Variants in MEF2A observed in about 807,000 individuals in gnomAD.
MEF2A encodes myocyte enhancer factor 2A.
In MEF2A, 28 loss-of-function variants were observed where a neutral mutation model predicts 55.8. The observed-to-expected ratio is 0.50, with a 90% CI of 0.37 to 0.69. MEF2A has a LOEUF of 0.69. Ranked by LOEUF, MEF2A falls within the 30% of genes least tolerant of loss-of-function variation. The pLI, the probability that MEF2A is intolerant of heterozygous loss-of-function variation, is 0.00. For synonymous variants in MEF2A, 239 were observed against 227.1 expected (o/e 1.05, Z -0.47); for missense variants, 528 against 626.2 (o/e 0.84, Z 1.67).
chr15:99,577,800 A>T (rs1446228054), intron 1 of MEF2A, among the ~76,000 whole-genome samples: 1 of 151,946 alleles, frequency 6.6e-6, no homozygotes, highest in Non-Finnish European at 1.5e-5. Context: ...TATGATCTTG[A>T]TGCTTTTTTG....
chr15:99,579,288 T>C (rs1267577165), intron 1 of MEF2A, among the ~76,000 whole-genome samples: 3 of 152,012 alleles, frequency 2.0e-5, no homozygotes, highest in African/African-American at 7.2e-5. Flanking sequence ...GGCTTATAGT[T>C]TTTTTTTCTG....
intron 2 of MEF2A, among the ~76,000 whole-genome samples, chr15:99,609,180 T>C (rs1266114247): frequency 6.6e-6 from 1 of 152,230 alleles, no homozygotes; most frequent in Non-Finnish European, 1.5e-5. Flanking sequence ...CATGACATTG[T>C]TCATAATGGC....
intron 7 of MEF2A, among the ~76,000 whole-genome samples, chr15:99,689,133 A>G (rs985500337): frequency 6.6e-5 from 10 of 152,232 alleles, no homozygotes; most frequent in African/African-American, 2.4e-4. Flanking sequence ...TCCTCATTTC[A>G]TTAAGGGAGA....
intron 10 of MEF2A, among the ~76,000 whole-genome samples, chr15:99,708,743 G>A (rs779324641): frequency 3.3e-5 from 5 of 152,238 alleles, no homozygotes; most frequent in African/African-American, 1.2e-4. Flanking sequence ...CAGCTCTAGG[G>A]ATAAGCTGCT....
rs547352106 is a variant in MEF2A, at chr15:99,642,271, ATTCT to A, written c.55-3283_55-3280del. ...CACTTCCTTCCTTGGTGTACATGGT[ATTCT>A]TTCTTTGACCTTGACATTCAGTAAC... is the stretch of plus-strand genomic sequence containing the variant. On this transcript the variant is annotated intron_variant, in intron 3 of 11. Coordinates refer to ENST00000557942, the MANE Select transcript of MEF2A (RefSeq NM_001319206.4). Among the ~76,000 whole-genome samples, 18 of 152,206 alleles carry A rather than the reference ATTCT, an allele frequency of 1.2e-4. No homozygotes were observed. In the East Asian group the frequency reaches 3.5e-3, roughly 29 times the overall value.
At chr15:99,603,830 G>C (rs952830096) in intron 2 of MEF2A, among the ~76,000 whole-genome samples, 2 of 152,042 alleles carry the variant, frequency 1.3e-5, no homozygotes, top group South Asian at 2.1e-4. Flanking sequence ...TTTTCTGTTT[G>C]TTTCAATAAT....
At chr15:99,613,163 A>G (rs2039594671) in intron 2 of MEF2A, among the ~76,000 whole-genome samples, 1 of 152,240 alleles carries the variant, frequency 6.6e-6, no homozygotes, top group African/African-American at 2.4e-5. Flanking sequence ...GACGTACATC[A>G]TCGTAATCTG....
intron 8 of MEF2A, among the ~76,000 whole-genome samples, chr15:99,699,598 G>T (rs895881704): frequency 1.3e-5 from 2 of 152,184 alleles, no homozygotes; most frequent in Admixed American, 6.5e-5. Flanking sequence ...TGTCACACAT[G>T]AATATAACTT....
intron 2 of MEF2A, among the ~76,000 whole-genome samples, chr15:99,618,362 A>G (rs2153231444): frequency 6.6e-6 from 1 of 152,314 alleles, no homozygotes; most frequent in South Asian, 2.1e-4. Context: ...ATTACAGGAG[A>G]CTAAAGAGAC....
intron 1 of MEF2A, among the ~76,000 whole-genome samples, chr15:99,590,708 A>G (rs2152960206): frequency 6.6e-6 from 1 of 151,846 alleles, no homozygotes; most frequent in East Asian, 1.9e-4. Flanking sequence ...ACTTATCGCA[A>G]TCCACCTTCA....
intron 4 of MEF2A, among the ~76,000 whole-genome samples, chr15:99,661,292 C>T (rs1387432843): frequency 1.3e-5 from 2 of 151,840 alleles, no homozygotes; most frequent in Non-Finnish European, 2.9e-5. Flanking sequence ...AGGAGAATAT[C>T]TTCATAATTT....
chr15:99,686,918 T>TG, intron 7 of MEF2A, among the ~76,000 whole-genome samples: 1 of 130,268 alleles, frequency 7.7e-6, no homozygotes, highest in East Asian at 2.2e-4. Flanking sequence ...TTTTGTTTTT[T>TG]GATTTTTTTT....
chr15:99,652,334 A>G (rs1326590367), intron 4 of MEF2A, among the ~76,000 whole-genome samples: 1 of 152,118 alleles, frequency 6.6e-6, no homozygotes, highest in Non-Finnish European at 1.5e-5. Context: ...TCATTCTCTT[A>G]CGAGAATCCA....
chr15:99,700,185 T>TACACACAC (rs371094810), intron 8 of MEF2A, among the ~76,000 whole-genome samples: 4,375 of 100,280 alleles, frequency 0.044, 242 homozygotes, highest in East Asian at 0.15. Context: ...TGTGTGTATA[T>TACACACAC]ATACACACAC....
intron 1 of MEF2A, among the ~76,000 whole-genome samples, chr15:99,598,120 C>T (rs1373084070): frequency 6.6e-6 from 1 of 152,048 alleles, no homozygotes; most frequent in Non-Finnish European, 1.5e-5. Flanking sequence ...TAAAGCATAA[C>T]ATGATACAGA....
intron 4 of MEF2A, among the ~76,000 whole-genome samples, chr15:99,650,362 C>G (rs1046688059): frequency 6.6e-6 from 1 of 152,158 alleles, no homozygotes; most frequent in Non-Finnish European, 1.5e-5. Context: ...ATACACCAAT[C>G]ATGTACGATC....
intron 7 of MEF2A, among the ~76,000 whole-genome samples, chr15:99,679,548 G>C (rs2052805640): frequency 6.6e-6 from 1 of 152,168 alleles, no homozygotes; most frequent in African/African-American, 2.4e-5. Context: ...AGATGGCAGA[G>C]CCATAAAGAA....
chr15:99,634,467 G>A (rs1307945099), intron 3 of MEF2A, among the ~76,000 whole-genome samples: 2 of 152,002 alleles, frequency 1.3e-5, no homozygotes, highest in Non-Finnish European at 2.9e-5. Flanking sequence ...AAGTGTAGAG[G>A]AGGCATAGGG....
intron 7 of MEF2A, among the ~76,000 whole-genome samples, chr15:99,680,275 C>A (rs1003623050): frequency 2.6e-5 from 4 of 152,106 alleles, no homozygotes; most frequent in Admixed American, 6.5e-5. Context: ...AAAAAAGAAA[C>A]CTAACTAGTA....
Sources: allele counts gnomAD v4.1 joint callset (sites outside exome capture counted in the v4.1 genomes callset), GRCh38; gene constraint gnomAD v4.1.1; transcripts MANE v1.5; gene names NCBI Gene and HGNC (gene_info 2026-07-23, HGNC 2026-07-21).